The following PTH2R variants were observed in gnomAD, a reference collection of about 807,000 sequenced individuals.
PTH2R encodes parathyroid hormone 2 receptor, also known as PTH2 receptor.
PTH2R carries 59 observed loss-of-function variants against 60.3 expected under a neutral mutation model. The ratio of observed to expected loss-of-function variants is 0.98; its 90% CI spans 0.79 to 1.22. The LOEUF is 1.22. Ranked by LOEUF, PTH2R falls within the 50% of genes most tolerant of loss-of-function variation. PTH2R has a pLI of 0.00. For synonymous variants in PTH2R, 256 were observed against 243.8 expected (o/e 1.05, Z -0.47); for missense variants, 749 against 682.6 (o/e 1.10, Z -1.08).
At chr2:208,398,099 T>C (rs935762382) in intron 1 of PTH2R, among the ~76,000 whole-genome samples, 1 of 152,158 alleles carries the variant, frequency 6.6e-6, no homozygotes, top group Non-Finnish European at 1.5e-5. Flanking sequence ...ATTCATTGGG[T>C]CTTTGATATT....
In PTH2R at chr2:208,416,010, A is replaced by G. The variant is rs544176158; in HGVS notation, c.75+8892A>G. On this transcript the variant is annotated intron_variant, in intron 1 of 12. Transcript: ENST00000272847. ...AGCAACATCAATAATCAATTAAAAA[A>G]CAAAGCAAATGATTTTAAGGGGTTT... Among the ~76,000 whole-genome samples, 17 of 152,310 alleles carry G rather than the reference A, an allele frequency of 1.1e-4. No homozygotes were observed. In the South Asian group the frequency reaches 3.5e-3, roughly 32 times the overall value.
chr2:208,390,235 T>G (rs1701083127), intron 1 of PTH2R, among the ~76,000 whole-genome samples: 1 of 152,206 alleles, frequency 6.6e-6, no homozygotes, highest in Non-Finnish European at 1.5e-5. Flanking sequence ...TATTACTTGG[T>G]CAATTTTTCC....
At position 208,428,217 on chromosome 2, in the gene PTH2R, C is replaced by A. The variant is rs570044268; in HGVS notation, c.92C>A (p.Thr31Asn). Residue 31 changes from threonine (T) to asparagine (N), a missense_variant, in exon 2 of 13, where the codon ACC becomes AAC. Transcript: ENST00000272847. The part of the protein sequence containing the change: ...LARAQLDSDG[T>N]ITIEEQIVLV... ...CTTCTACAGCTGGATTCTGATGGCA[C>A]CATTACTATAGAGGAGCAGATTGTC... 11 of 1,611,848 alleles carry A rather than the reference C, an allele frequency of 6.8e-6. No individual in the cohort carries two copies. The East Asian group carries it at 1.8e-4, about 26-fold the overall frequency.
At chr2:208,365,962 T>TA (rs1559198853) in intron 1 of PTH2R, among the ~76,000 whole-genome samples, 27 of 12,488 alleles carry the variant, frequency 2.2e-3, no homozygotes, top group South Asian at 3.9e-3. Flanking sequence ...ATATATATAT[T>TA]TTTTTTTTTT....
chr2:208,395,355 T>A (rs919363572), intron 1 of PTH2R, among the ~76,000 whole-genome samples: 5 of 152,074 alleles, frequency 3.3e-5, no homozygotes, highest in African/African-American at 4.8e-5. Flanking sequence ...CGAGTCTGAT[T>A]TCTAATGGTG....
chr2:208,450,775 T>C lies in PTH2R; in HGVS notation c.880T>C (p.Trp294Arg), dbSNP rs774980655. 2.5e-6 allele frequency: 4 copies of C among 1,614,056 alleles called. No individual in the cohort carries two copies. In the Admixed American group the frequency reaches 5.0e-5, roughly 20 times the overall value. The part of the protein sequence containing the change: ...WGFPAAFVAA[W>R]AVARATLADA... ...GTTTCCAGCAGCATTTGTTGCAGCATGGGCTGTGGCACGAGCAACTCTGGC... is the reference window on the plus strand; with the variant it reads ...GTTTCCAGCAGCATTTGTTGCAGCACGGGCTGTGGCACGAGCAACTCTGGC... Residue 294 changes from tryptophan (W) to arginine (R), a missense_variant, in exon 8 of 13, where the codon TGG (tryptophan) becomes CGG (arginine). Transcript: ENST00000272847.
At chr2:208,422,316 A>G (rs555227265) in intron 1 of PTH2R, among the ~76,000 whole-genome samples, 1 of 152,312 alleles carries the variant, frequency 6.6e-6, no homozygotes, top group South Asian at 2.1e-4. Context: ...ACATAGACAC[A>G]CCGGAAACAA....
At chr2:208,370,064 C>T (rs892199647) in intron 1 of PTH2R, among the ~76,000 whole-genome samples, 3 of 152,068 alleles carry the variant, frequency 2.0e-5, no homozygotes, top group Non-Finnish European at 4.4e-5. Context: ...GACTGCCCAA[C>T]AGAGAGGAGC....
chr2:208,388,073 G>A (rs1288978953), intron 1 of PTH2R, among the ~76,000 whole-genome samples: 2 of 151,840 alleles, frequency 1.3e-5, no homozygotes, highest in Non-Finnish European at 2.9e-5. Flanking sequence ...ACTTTGGGAG[G>A]CCGAGGTGGG....
chr2:208,391,437 T>G (rs555062173), intron 1 of PTH2R, among the ~76,000 whole-genome samples: 43 of 152,314 alleles, frequency 2.8e-4, no homozygotes, highest in African/African-American at 9.9e-4. Flanking sequence ...TCCTTGGGCC[T>G]GTGTTAAAAC....
intron 1 of PTH2R, among the ~76,000 whole-genome samples, chr2:208,400,747 A>G (rs558890430): frequency 6.6e-6 from 1 of 152,358 alleles, no homozygotes; most frequent in Admixed American, 6.5e-5. Context: ...TAATTGCTAA[A>G]ATAGTCTCTT....
intron 10 of PTH2R, among the ~76,000 whole-genome samples, chr2:208,485,878 G>T (rs528478037): frequency 6.6e-6 from 1 of 152,164 alleles, no homozygotes; most frequent in South Asian, 2.1e-4. Context: ...TGTTATATAA[G>T]ATTCCATCCT....
rs559656167 is a variant in PTH2R, at chr2:208,474,109, T to A, written c.982-6961T>A. 3.3e-5 allele frequency among the ~76,000 whole-genome samples: 5 copies of A among 152,314 alleles called. No homozygotes were observed. In the South Asian group the frequency reaches 6.2e-4, roughly 19 times the overall value. On this transcript the variant is annotated intron_variant, in intron 9 of 12. Coordinates refer to ENST00000272847, the MANE Select transcript of PTH2R (RefSeq NM_005048.4). ...GAATCCTGTGTGAACTCTTAACCAGTTGCTGACTGTACTATGATTTAGCCC... is the reference window on the plus strand; with the variant it reads ...GAATCCTGTGTGAACTCTTAACCAGATGCTGACTGTACTATGATTTAGCCC...
At chr2:208,410,479 G>A (rs976321285) in intron 1 of PTH2R, among the ~76,000 whole-genome samples, 14 of 152,072 alleles carry the variant, frequency 9.2e-5, no homozygotes, top group African/African-American at 2.7e-4. Context: ...TCTCCGCCCC[G>A]AGTCTCTATC....
At chr2:208,487,409 G>A (rs1703296840) in intron 10 of PTH2R, among the ~76,000 whole-genome samples, 1 of 152,182 alleles carries the variant, frequency 6.6e-6, no homozygotes. Flanking sequence ...TCAATTGTTT[G>A]AGATTATTAG....
intron 4 of PTH2R, among the ~76,000 whole-genome samples, chr2:208,441,964 A>T (rs1279131099): frequency 6.6e-6 from 1 of 152,254 alleles, no homozygotes; most frequent in East Asian, 1.9e-4. Context: ...AAAGGAATGA[A>T]CTATTTATAC....
At chr2:208,449,388 G>C (rs1702354183) in intron 7 of PTH2R, among the ~76,000 whole-genome samples, 1 of 151,864 alleles carries the variant, frequency 6.6e-6, no homozygotes, top group Admixed American at 6.6e-5. Context: ...ATATCATTTA[G>C]AACAATCTTT....
chr2:208,375,667 GGTGAT>G (rs908226775), intron 1 of PTH2R, among the ~76,000 whole-genome samples: 1 of 152,100 alleles, frequency 6.6e-6, no homozygotes, highest in Non-Finnish European at 1.5e-5. Flanking sequence ...CAGCCTGTGA[GGTGAT>G]GTGATGTGAT....
At chr2:208,435,990 G>T (rs1166582627) in intron 2 of PTH2R, among the ~76,000 whole-genome samples, 1 of 152,158 alleles carries the variant, frequency 6.6e-6, no homozygotes, top group Non-Finnish European at 1.5e-5. Flanking sequence ...ATCACTAATC[G>T]AAAGGAGTCC....
Sources: gnomAD v4.1 joint callset for allele counts (sites outside exome capture counted in the v4.1 genomes callset) on GRCh38, gnomAD v4.1.1 for gene constraint, MANE v1.5 for transcripts, NCBI Gene and HGNC (gene_info 2026-07-23, HGNC 2026-07-21) for gene names.